RABGAP1L: variants seen among roughly 807,000 people sequenced by gnomAD.
RABGAP1L encodes the protein rab GTPase-activating protein 1-like.
In RABGAP1L, 63 loss-of-function variants were observed where a neutral mutation model predicts 137.7. The ratio of observed to expected loss-of-function variants is 0.46; its 90% CI spans 0.37 to 0.56. The LOEUF is 0.56. RABGAP1L is among the 20% of genes least tolerant of loss of function. The probability of loss-of-function intolerance (pLI) is 0.00; values close to 1 mark genes in which losing one functional copy is unlikely to be tolerated. For missense variants in RABGAP1L, 1,095 were observed against 1,244.0 expected (o/e 0.88, Z 1.80); for synonymous variants, 431 against 433.7 (o/e 0.99, Z 0.08).
At position 174,662,208 on chromosome 1, in the gene RABGAP1L, A is replaced by G. The variant is rs558967137; in HGVS notation, c.1825-21314A>G. Among the ~76,000 whole-genome samples, 4 of 145,360 alleles carry G rather than the reference A, an allele frequency of 2.8e-5. No individual in the cohort carries two copies. In the South Asian group the frequency reaches 6.6e-4, roughly 24 times the overall value. On this transcript the variant is annotated intron_variant, in intron 14 of 25. Transcript: ENST00000681986. ...AACCTCCGCCTCCTGGGTTCATGCAATTTTCCTGCCTCAACCTCCCAAGTA... is the reference window on the plus strand; with the variant it reads ...AACCTCCGCCTCCTGGGTTCATGCAGTTTTCCTGCCTCAACCTCCCAAGTA...
chr1:174,320,947 G>A lies in RABGAP1L; in HGVS notation c.1465+15820G>A, dbSNP rs190579055. 1.1e-4 allele frequency among the ~76,000 whole-genome samples: 16 copies of A among 152,252 alleles called. No homozygotes were observed. The South Asian group carries it at 2.3e-3, about 22-fold the overall frequency. On this transcript the variant is annotated intron_variant, in intron 11 of 25. Coordinates refer to ENST00000681986, the MANE Select transcript of RABGAP1L (RefSeq NM_001366446.1). ...CATTAGGTCTGACTGCCTGGGAGTC[G>A]GGTGGAACAGAGCCATGTTTCTCTT...
intron 13 of RABGAP1L, 79 bp from the exon 14 acceptor site, chr1:174,637,296 G>GTT (rs1314844533): frequency 1.0e-6 from 1 of 986,592 alleles, no homozygotes; most frequent in Admixed American, 2.2e-5. Flanking sequence ...TGCTGTTTGA[G>GTT]TTTTTTACCA....
intron 17 of RABGAP1L, among the ~76,000 whole-genome samples, chr1:174,727,578 TAGAA>T (rs1287325991): frequency 6.6e-6 from 1 of 152,166 alleles, no homozygotes; most frequent in African/African-American, 2.4e-5. Flanking sequence ...AAATTACAAT[TAGAA>T]AGAAAGAACA....
intron 19 of RABGAP1L, chr1:174,938,604 C>T (rs1363496708): frequency 2.0e-5 from 3 of 152,140 alleles, no homozygotes; most frequent in Non-Finnish European, 4.4e-5. Context: ...AGTGTTTTTC[C>T]TTGCGCTAGT....
At chr1:174,451,043 C>T (rs776305726) in intron 13 of RABGAP1L, among the ~76,000 whole-genome samples, 116 of 152,166 alleles carry the variant, frequency 7.6e-4, no homozygotes, top group Admixed American at 1.2e-3. Flanking sequence ...CAAAATGAGA[C>T]TTTGCCTCAG....
chr1:174,446,452 T>C (rs577390802), intron 13 of RABGAP1L, among the ~76,000 whole-genome samples: 2 of 152,360 alleles, frequency 1.3e-5, no homozygotes, highest in Non-Finnish European at 2.9e-5. Context: ...TAATGCATGT[T>C]ATTTCTTCAA....
chr1:174,277,540 ATAT>A (rs1675107105), intron 9 of RABGAP1L, among the ~76,000 whole-genome samples: 1 of 151,572 alleles, frequency 6.6e-6, no homozygotes, highest in Admixed American at 6.6e-5. Context: ...GTATATTATA[ATAT>A]TCTGATTCAA....
intron 7 of RABGAP1L, among the ~76,000 whole-genome samples, chr1:174,253,398 A>T (rs1672872865): frequency 6.6e-6 from 1 of 152,224 alleles, no homozygotes; most frequent in South Asian, 2.1e-4. Flanking sequence ...ATTAGGCAAC[A>T]TATATAAAGA....
At chr1:174,532,443 A>G (rs901813542) in intron 13 of RABGAP1L, among the ~76,000 whole-genome samples, 1 of 151,960 alleles carries the variant, frequency 6.6e-6, no homozygotes, top group African/African-American at 2.4e-5. Context: ...TCCTGACCTC[A>G]TGATCCACCC....
chr1:174,620,770 A>C (rs1404309314), intron 13 of RABGAP1L, among the ~76,000 whole-genome samples: 1 of 152,014 alleles, frequency 6.6e-6, no homozygotes, highest in East Asian at 1.9e-4. Flanking sequence ...CGGAAGGCAA[A>C]ATATAACTAA....
At chr1:174,512,220 C>T (rs1381517663) in intron 13 of RABGAP1L, among the ~76,000 whole-genome samples, 1 of 152,068 alleles carries the variant, frequency 6.6e-6, no homozygotes, top group African/African-American at 2.4e-5. Flanking sequence ...GAGAAGATAA[C>T]ACTTACCATC....
chr1:174,774,561 T>C (rs1018002510), intron 18 of RABGAP1L, among the ~76,000 whole-genome samples: 2 of 152,066 alleles, frequency 1.3e-5, no homozygotes, highest in African/African-American at 4.8e-5. Context: ...TTTTTTTTTT[T>C]TCTATTTAGA....
intron 1 of RABGAP1L, among the ~76,000 whole-genome samples, chr1:174,200,055 G>T (rs1240059207): frequency 6.6e-6 from 1 of 152,150 alleles, no homozygotes; most frequent in Non-Finnish European, 1.5e-5. Flanking sequence ...TGAGATTTTC[G>T]TAACAAGTTA....
intron 13 of RABGAP1L, among the ~76,000 whole-genome samples, chr1:174,491,033 G>T (rs1189700903): frequency 6.6e-6 from 1 of 152,122 alleles, no homozygotes; most frequent in African/African-American, 2.4e-5. Flanking sequence ...TGGAATCGGG[G>T]ACCCCAAGAA....
intron 13 of RABGAP1L, among the ~76,000 whole-genome samples, chr1:174,401,681 T>C (rs1217660147): frequency 6.6e-6 from 1 of 152,180 alleles, no homozygotes. Flanking sequence ...GAGGCTATGC[T>C]AAGCACTAGA....
At chr1:174,239,891 C>T (rs1165700572) in intron 4 of RABGAP1L, among the ~76,000 whole-genome samples, 1 of 152,124 alleles carries the variant, frequency 6.6e-6, no homozygotes, top group African/African-American at 2.4e-5. Context: ...TGTGGGAAAA[C>T]TTTTGCTAAA....
intron 13 of RABGAP1L, among the ~76,000 whole-genome samples, chr1:174,453,021 A>C (rs569591983): frequency 6.6e-6 from 1 of 152,322 alleles, no homozygotes; most frequent in African/African-American, 2.4e-5. Context: ...TTTTGGGGTT[A>C]AACTCAGATA....
chr1:174,511,191 A>T (rs534805419), intron 13 of RABGAP1L, among the ~76,000 whole-genome samples: 2 of 152,350 alleles, frequency 1.3e-5, no homozygotes, highest in Non-Finnish European at 2.9e-5. Flanking sequence ...AGGACAGCTT[A>T]GATTTTAAAA....
chr1:174,707,469 G>A (rs1680141704), intron 17 of RABGAP1L, among the ~76,000 whole-genome samples: 1 of 152,142 alleles, frequency 6.6e-6, no homozygotes, highest in East Asian at 1.9e-4. Flanking sequence ...CTTACAAAGA[G>A]CAATGTAGAG....
Sources: gnomAD v4.1 joint callset for allele counts (sites outside exome capture counted in the v4.1 genomes callset) on GRCh38, gnomAD v4.1.1 for gene constraint, MANE v1.5 for transcripts, NCBI Gene and HGNC (gene_info 2026-07-23, HGNC 2026-07-21) for gene names.